The following DNAAF4 variants were observed in gnomAD, a reference collection of about 807,000 sequenced individuals.
DNAAF4 encodes dynein assembly factor 4, axonemal.
Under a neutral mutation model 51.8 loss-of-function variants are expected in DNAAF4, and 43 were observed. That is an observed-to-expected ratio of 0.83 (90% CI 0.65 to 1.07). DNAAF4 has a LOEUF of 1.07. DNAAF4 is among the 50% of genes least tolerant of loss of function. The pLI is 0.00. For missense variants in DNAAF4, 581 were observed against 493.0 expected (o/e 1.18, Z -1.69); for synonymous variants, 194 against 165.6 (o/e 1.17, Z -1.32).
chr15:55,471,853 A>C (rs575965664), intron 4 of DNAAF4, among the ~76,000 whole-genome samples: 1 of 139,102 alleles, frequency 7.2e-6, no homozygotes, highest in Non-Finnish European at 1.6e-5. Flanking sequence ...TTACTTACTT[A>C]TTTTGAGATG....
chr15:55,428,484 C>CT (rs747325376), downstream of DNAAF4, among the ~76,000 whole-genome samples: 2,275 of 85,166 alleles, frequency 0.027, 195 homozygotes, highest in Non-Finnish European at 0.036. Flanking sequence ...TCTTTTTTTT[C>CT]TTTTTTTTTT....
chr15:55,447,224 C>T (rs1445347212), intron 6 of DNAAF4, among the ~76,000 whole-genome samples: 22 of 138,350 alleles, frequency 1.6e-4, no homozygotes, highest in African/African-American at 3.3e-4. Flanking sequence ...ACGGGGCAGC[C>T]GGGCAGAGGC....
At chr15:55,493,958 C>T (rs1225592782) in intron 3 of DNAAF4, among the ~76,000 whole-genome samples, 1 of 151,772 alleles carries the variant, frequency 6.6e-6, no homozygotes, top group African/African-American at 2.4e-5. Context: ...CCCACCTTGG[C>T]CTCCTAAAGT....
Position 55,460,336 on chromosome 15 carries a change from C to A in DNAAF4, c.637+6594G>T, listed in dbSNP as rs185571948. 2.2e-3 allele frequency among the ~76,000 whole-genome samples: 337 copies of A among 152,038 alleles called. 4 individuals carry two copies. The highest frequency in any genetic ancestry group is 0.019 in the Admixed American group (287 of 15,250). On this transcript the variant is annotated intron_variant, in intron 5 of 9. Coordinates refer to ENST00000321149, the MANE Select transcript of DNAAF4 (RefSeq NM_130810.4). ...CTGGGATTACAGGTGCGTGCCAGCA[C>A]GCCCGGCTAATTTTTGTGTTTTTAG...
In DNAAF4 at chr15:55,435,043, C is replaced by T. The variant is rs138026922; in HGVS notation, c.909G>A (p.Thr303=). 87 of 1,586,786 alleles carry T rather than the reference C, an allele frequency of 5.5e-5. No homozygotes were observed. The highest frequency in any genetic ancestry group is 2.8e-4 in the South Asian group (24 of 85,360). The change falls in exon 8 of 10, where the codon ACG becomes ACA. Residue 303 remains threonine (T), a synonymous_variant. Coordinates refer to ENST00000321149, the MANE Select transcript of DNAAF4 (RefSeq NM_130810.4). ...CATTGATAGCTGCCAAATAGTTTTC[C>T]GTTGCAAACAATTTGCTAATGAGAC... ...LKDKGNKLFA[T]ENYLAAINAY...
chr15:55,490,963 A>G (rs968879467), intron 4 of DNAAF4, 160 bp downstream of exon 4: 2 of 788,818 alleles, frequency 2.5e-6, no homozygotes, highest in Admixed American at 6.3e-5. Context: ...CAAGAAAAAA[A>G]AAAACACACA....
intron 1 of DNAAF4, among the ~76,000 whole-genome samples, chr15:55,499,425 T>C (rs187543854): frequency 5.4e-4 from 82 of 152,360 alleles, no homozygotes; most frequent in Non-Finnish European, 9.4e-4. Context: ...AAACTTTTGC[T>C]GTAAAACCCA....
intron 7 of DNAAF4, chr15:55,418,697 G>A (rs2057360079): frequency 1.5e-6 from 1 of 654,256 alleles, no homozygotes; most frequent in African/African-American, 1.8e-5. Flanking sequence ...GTTAAATAAA[G>A]TATTTCAACT....
At chr15:55,486,024 A>T (rs1353636905) in intron 4 of DNAAF4, among the ~76,000 whole-genome samples, 1 of 138,372 alleles carries the variant, frequency 7.2e-6, no homozygotes, top group Non-Finnish European at 1.5e-5. Flanking sequence ...AGGAGGCAGT[A>T]GCAGCCAAGA....
rs140091387 is a variant in DNAAF4 at position 55,466,976 on chromosome 15, A to G, written c.591T>C (p.Tyr197=). The G allele has an allele frequency of 6.9e-6, 11 of 1,585,262 alleles. No individual in the cohort carries two copies. Among genetic ancestry groups the G allele is most frequent in the East Asian group, 2.2e-5 (1 of 44,518 alleles). The change falls in exon 5 of 10, where the codon TAT becomes TAC. Residue 197 remains tyrosine (Y), a synonymous_variant. Transcript: ENST00000321149. ...ATGCCAAATTTCTAGTAAGACTCTT[A>G]TATTTTATTTTTTTTCTTTCTTCTT... is the stretch of plus-strand genomic sequence containing the variant. ...QIKEERKKIK[Y]KSLTRNLASR...
chr15:55,504,835 C>T (rs2058717992), intron 1 of DNAAF4, among the ~76,000 whole-genome samples: 1 of 152,152 alleles, frequency 6.6e-6, no homozygotes, highest in South Asian at 2.1e-4. Flanking sequence ...AAAACTTAGG[C>T]AATACCATTT....
chr15:55,486,407 T>C (rs547128297), intron 4 of DNAAF4, among the ~76,000 whole-genome samples: 1 of 152,072 alleles, frequency 6.6e-6, no homozygotes, highest in Non-Finnish European at 1.5e-5. Context: ...TTGACCAGGC[T>C]GATCTTGAAC....
intron 3 of DNAAF4, among the ~76,000 whole-genome samples, chr15:55,493,501 G>C (rs989081748): frequency 1.3e-5 from 2 of 152,056 alleles, no homozygotes; most frequent in African/African-American, 4.8e-5. Flanking sequence ...ATAACTGGAA[G>C]AACATTAACT....
chr15:55,469,782 G>A (rs927682715), intron 4 of DNAAF4, among the ~76,000 whole-genome samples: 9 of 151,744 alleles, frequency 5.9e-5, no homozygotes, highest in African/African-American at 1.4e-4. Flanking sequence ...GAGCCACTGC[G>A]CCCGGCCTAT....
downstream of DNAAF4, among the ~76,000 whole-genome samples, chr15:55,427,710 A>G: frequency 6.6e-6 from 1 of 150,654 alleles, no homozygotes; most frequent in East Asian, 2.0e-4. Context: ...ACCTCAGCTC[A>G]CCGCAACCTC....
At chr15:55,495,676 A>G (rs1039822374) in intron 3 of DNAAF4, among the ~76,000 whole-genome samples, 4 of 152,202 alleles carry the variant, frequency 2.6e-5, no homozygotes, top group African/African-American at 9.6e-5. Context: ...TTGAGGTTAC[A>G]ATGAGCTATG....
chr15:55,472,477 G>C (rs1468057502), intron 4 of DNAAF4, among the ~76,000 whole-genome samples: 1 of 151,992 alleles, frequency 6.6e-6, no homozygotes, highest in Non-Finnish European at 1.5e-5. Flanking sequence ...AATTAGGTGG[G>C]TGTGGTAGCA....
At chr15:55,475,628 C>T (rs2058325402) in intron 4 of DNAAF4, among the ~76,000 whole-genome samples, 1 of 152,202 alleles carries the variant, frequency 6.6e-6, no homozygotes. Flanking sequence ...CCAGTGAACA[C>T]TTCCTTTGAG....
chr15:55,459,325 C>A (rs1338449699), intron 5 of DNAAF4, among the ~76,000 whole-genome samples: 6 of 151,994 alleles, frequency 3.9e-5, no homozygotes, highest in African/African-American at 1.5e-4. Flanking sequence ...CACTACCATG[C>A]CAGCACTACA....
Sources: gnomAD v4.1 joint callset for allele counts (sites outside exome capture counted in the v4.1 genomes callset) on GRCh38, gnomAD v4.1.1 for gene constraint, MANE v1.5 for transcripts, NCBI Gene and HGNC (gene_info 2026-07-23, HGNC 2026-07-21) for gene names.